Variants in FMN1 observed in about 807,000 individuals in gnomAD.
FMN1 encodes the protein formin-1.
A neutral mutation model predicts 132.4 loss-of-function variants in FMN1; 110 were observed. The ratio of observed to expected loss-of-function variants is 0.83; its 90% CI spans 0.71 to 0.97. The LOEUF is 0.97. Ranked by LOEUF, FMN1 falls within the 50% of genes least tolerant of loss-of-function variation. FMN1 has a pLI of 0.00. For missense variants in FMN1, 1,792 were observed against 1,705.3 expected, an observed-to-expected ratio of 1.05 and a Z score of -0.90; for synonymous variants, 722 against 651.7, an observed-to-expected ratio of 1.11 and a Z score of -1.64.
intron 6 of FMN1, among the ~76,000 whole-genome samples, chr15:33,035,697 C>CT (rs572451764): frequency 1.1e-3 from 161 of 152,314 alleles, no homozygotes; most frequent in Non-Finnish European, 2.0e-3. Flanking sequence ...CCTGCAGCCT[C>CT]TTTTCTTTTC....
intron 16 of FMN1, among the ~76,000 whole-genome samples, chr15:32,862,357 T>G (rs1165785697): frequency 2.0e-5 from 3 of 152,184 alleles, no homozygotes; most frequent in African/African-American, 7.2e-5. Flanking sequence ...TTACACAATT[T>G]TTTGGCAATT....
intron 10 of FMN1, among the ~76,000 whole-genome samples, chr15:32,913,636 T>C (rs2060615899): frequency 6.6e-6 from 1 of 152,196 alleles, no homozygotes; most frequent in African/African-American, 2.4e-5. Flanking sequence ...CCTCAATCTT[T>C]TCCTCTGCCA....
chr15:32,987,846 G>C (rs1264695633), intron 7 of FMN1, among the ~76,000 whole-genome samples: 1 of 152,068 alleles, frequency 6.6e-6, no homozygotes, highest in Non-Finnish European at 1.5e-5. Context: ...CTCATAAAAG[G>C]GGAAACATGT....
At chr15:32,857,249 G>A in intron 16 of FMN1, 142 bp from the exon 17 acceptor site, 2 of 655,974 alleles carry the variant, frequency 3.0e-6, no homozygotes, top group Non-Finnish European at 5.4e-6. Flanking sequence ...CAGGATTGGG[G>A]GGCAGGGGGA....
intron 17 of FMN1, among the ~76,000 whole-genome samples, chr15:32,814,035 G>T (rs16959110): frequency 0.35 from 53,925 of 151,962 alleles, 10,794 homozygotes; most frequent in East Asian, 0.69. Context: ...CAGCTTTCAC[G>T]CTAAATTTCC....
intron 9 of FMN1, among the ~76,000 whole-genome samples, chr15:32,939,952 G>A (rs988608959): frequency 2.6e-5 from 4 of 152,068 alleles, no homozygotes; most frequent in African/African-American, 9.7e-5. Context: ...AAAGTTATAA[G>A]AAACTGATAA....
At chr15:33,126,595 A>G (rs1963097404) in intron 4 of FMN1, among the ~76,000 whole-genome samples, 1 of 152,134 alleles carries the variant, frequency 6.6e-6, no homozygotes, top group Non-Finnish European at 1.5e-5. Flanking sequence ...TCTTCAATAG[A>G]CCAGAAAGAA....
At chr15:33,093,153 A>G (rs2038961429) in intron 4 of FMN1, among the ~76,000 whole-genome samples, 1 of 152,202 alleles carries the variant, frequency 6.6e-6, no homozygotes. Flanking sequence ...CCAAGCCCTC[A>G]CTTGACAGCA....
intron 2 of FMN1, among the ~76,000 whole-genome samples, chr15:33,187,882 T>C (rs1013700248): frequency 2.0e-4 from 30 of 152,200 alleles, no homozygotes; most frequent in African/African-American, 7.2e-4. Flanking sequence ...TCTTTGTAGA[T>C]GGAGACTCTT....
chr15:33,190,293 T>C (rs1966029940), intron 2 of FMN1, among the ~76,000 whole-genome samples: 1 of 152,212 alleles, frequency 6.6e-6, no homozygotes, highest in Admixed American at 6.5e-5. Context: ...TTAGAGAACA[T>C]GAGACAGTGC....
chr15:32,980,666 T>C (rs1302449727), intron 7 of FMN1, among the ~76,000 whole-genome samples: 1 of 152,242 alleles, frequency 6.6e-6, no homozygotes, highest in Non-Finnish European at 1.5e-5. Flanking sequence ...ATTTCCTGAA[T>C]CTATGTCTCT....
At chr15:32,807,878 C>T (rs893077853) in intron 17 of FMN1, among the ~76,000 whole-genome samples, 2 of 152,174 alleles carry the variant, frequency 1.3e-5, no homozygotes, top group Admixed American at 1.3e-4. Context: ...AAGGCATCTA[C>T]CTTTATGGTG....
chr15:32,808,306 G>C (rs28718061), intron 17 of FMN1, among the ~76,000 whole-genome samples: 14,338 of 152,244 alleles, frequency 0.094, 754 homozygotes, highest in Middle Eastern at 0.12. Flanking sequence ...TGTGTCACCT[G>C]AGTGTCATGA....
chr15:33,012,589 G>C, intron 6 of FMN1: 1 of 1,250,544 alleles, frequency 8.0e-7, no homozygotes, highest in Non-Finnish European at 1.2e-6. Flanking sequence ...CCATGACTCT[G>C]TGGATAAGAC....
At chr15:33,162,615 G>A (rs946222459) in intron 3 of FMN1, among the ~76,000 whole-genome samples, 1 of 152,176 alleles carries the variant, frequency 6.6e-6, no homozygotes, top group Non-Finnish European at 1.5e-5. Flanking sequence ...AGGTTGGTAG[G>A]ATATTAACGC....
chr15:33,087,659 G>A (rs1179274071), intron 5 of FMN1, among the ~76,000 whole-genome samples: 1 of 152,140 alleles, frequency 6.6e-6, no homozygotes, highest in African/African-American at 2.4e-5. Context: ...TATCTACCCA[G>A]AGGAAAAGAA....
intron 6 of FMN1, among the ~76,000 whole-genome samples, chr15:33,056,007 C>A (rs571828313): frequency 6.6e-6 from 1 of 152,286 alleles, no homozygotes; most frequent in South Asian, 2.1e-4. Flanking sequence ...AAGGAAACAC[C>A]AATTAAAACC....
intron 9 of FMN1, among the ~76,000 whole-genome samples, chr15:32,959,312 G>GA (rs765171549): frequency 4.6e-5 from 7 of 152,098 alleles, no homozygotes; most frequent in Admixed American, 1.3e-4. Flanking sequence ...TTTTCAAGAG[G>GA]AAAGAAAACA....
chr15:33,152,068 G>C (rs1964460333), intron 4 of FMN1, among the ~76,000 whole-genome samples: 1 of 152,142 alleles, frequency 6.6e-6, no homozygotes, highest in African/African-American at 2.4e-5. Flanking sequence ...GTAAGAGACT[G>C]TCTATCATAT....
Sources: gnomAD v4.1 joint callset for allele counts (sites outside exome capture counted in the v4.1 genomes callset) on GRCh38, gnomAD v4.1.1 for gene constraint, MANE v1.5 for transcripts, NCBI Gene and HGNC (gene_info 2026-07-23, HGNC 2026-07-21) for gene names.